The following GLIS3 variants were observed in gnomAD, a reference collection of about 807,000 sequenced individuals.
GLIS3 encodes the protein zinc finger protein GLIS3.
GLIS3 carries 53 observed loss-of-function variants against 78.6 expected under a neutral mutation model. That is an observed-to-expected ratio of 0.67 (90% CI 0.54 to 0.85). The LOEUF (loss-of-function observed/expected upper bound fraction) is 0.85. Among genes scored for constraint, GLIS3 ranks in the 40% least tolerant of loss-of-function variants. The pLI, the probability that GLIS3 is intolerant of heterozygous loss-of-function variation, is 0.00. For missense variants in GLIS3, 1,703 were observed against 1,231.1 expected, an observed-to-expected ratio of 1.38 and a Z score of -5.74; for synonymous variants, 684 against 509.9, an observed-to-expected ratio of 1.34 and a Z score of -4.60.
At chr9:4,441,721 C>T in the GLIS3 span, among the ~76,000 whole-genome samples, 1 of 152,150 alleles carries the variant, frequency 6.6e-6, no homozygotes, top group Non-Finnish European at 1.5e-5. Context: ...ATCCTTCCAC[C>T]TCAACCTCCA....
At chr9:4,132,005 T>C (rs1280928719) in intron 2 of GLIS3, among the ~76,000 whole-genome samples, 1 of 151,892 alleles carries the variant, frequency 6.6e-6, no homozygotes, top group Non-Finnish European at 1.5e-5. Context: ...TCTCTTCTCA[T>C]TTCCAATATT....
chr9:3,931,603 G>A (rs952247102), intron 6 of GLIS3, among the ~76,000 whole-genome samples: 7 of 152,150 alleles, frequency 4.6e-5, no homozygotes, highest in Admixed American at 1.3e-4. Flanking sequence ...TTAGTTACTA[G>A]GAAATGCCTT....
At chr9:4,102,490 G>C (rs1438329956) in intron 4 of GLIS3, among the ~76,000 whole-genome samples, 2 of 152,134 alleles carry the variant, frequency 1.3e-5, no homozygotes, top group African/African-American at 4.8e-5. Flanking sequence ...GAGACATACA[G>C]CAATGCCTGA....
intron 7 of GLIS3, chr9:3,898,475 A>C: frequency 9.9e-6 from 6 of 607,354 alleles, no homozygotes; most frequent in East Asian, 3.0e-5. Context: ...TAAAAGAGGT[A>C]ATGCATTATT....
rs919514445 is a variant in GLIS3, at chr9:4,118,286, G to C, written c.1192C>G (p.Leu398Val). 2 of 1,583,334 alleles carry C rather than the reference G, an allele frequency of 1.3e-6. No individual in the cohort carries two copies. The highest frequency in any genetic ancestry group is 1.3e-5 in the African/African-American group (1 of 74,568). The change falls in exon 4 of 11, where the codon CTG becomes GTG. Residue 398 changes from leucine (L) to valine (V), a missense_variant. Transcript: ENST00000381971. This position sits in a 1 kb window ranked among gnomAD's most constrained non-coding sequence, Gnocchi z 4.7. ...GALEHERMQQ[L>V]EHGGLQPGLV... ...CCTGGCTGCAGGCCGCCGTGCTCCA[G>C]CTGTTGCATGCGCTCGTGCTCCAGG...
intron 4 of GLIS3, among the ~76,000 whole-genome samples, chr9:3,991,740 G>C (rs565461766): frequency 7.3e-6 from 1 of 137,274 alleles, no homozygotes; most frequent in Non-Finnish European, 1.5e-5. Flanking sequence ...GCCCAGGCTG[G>C]AGTGCAGTGG....
chr9:4,362,417 T>C, the GLIS3 span, among the ~76,000 whole-genome samples: 2 of 152,206 alleles, frequency 1.3e-5, no homozygotes, highest in African/African-American at 4.8e-5. Flanking sequence ...ACAATTTTCA[T>C]CCCAAAATGA....
At chr9:4,439,698 A>G in the GLIS3 span, among the ~76,000 whole-genome samples, 1 of 152,192 alleles carries the variant, frequency 6.6e-6, no homozygotes, top group Non-Finnish European at 1.5e-5. Context: ...TTTGAGACAG[A>G]GTCTCACTCT....
intron 4 of GLIS3, among the ~76,000 whole-genome samples, chr9:4,011,629 C>A (rs1393747193): frequency 6.6e-6 from 1 of 152,148 alleles, no homozygotes; most frequent in Admixed American, 6.5e-5. Context: ...CTGCCCTGGA[C>A]CTTCCGTCTC....
At chr9:4,268,010 T>A (rs1412619544) in intron 2 of GLIS3, among the ~76,000 whole-genome samples, 1 of 152,052 alleles carries the variant, frequency 6.6e-6, no homozygotes, top group Admixed American at 6.6e-5. Context: ...TGTGAATATA[T>A]ACATAGATGT....
intron 4 of GLIS3, among the ~76,000 whole-genome samples, chr9:3,985,233 C>T (rs2129668389): frequency 6.6e-6 from 1 of 152,278 alleles, no homozygotes; most frequent in Middle Eastern, 3.4e-3. Context: ...ACCTCCATCT[C>T]CAAGTCTCAA....
the GLIS3 span, among the ~76,000 whole-genome samples, chr9:4,364,808 T>G: frequency 7.1e-6 from 1 of 140,974 alleles, no homozygotes; most frequent in Admixed American, 7.3e-5. Flanking sequence ...TATGTTGCCC[T>G]ATTGACCAGG....
At chr9:4,289,265 A>T (rs915134451) in intron 1 of GLIS3, among the ~76,000 whole-genome samples, 1 of 152,184 alleles carries the variant, frequency 6.6e-6, no homozygotes, top group African/African-American at 2.4e-5. Flanking sequence ...AACTCCAGGT[A>T]ATTTAGAAAA....
chr9:3,846,665 G>A (rs1341298710), intron 9 of GLIS3, among the ~76,000 whole-genome samples: 1 of 152,150 alleles, frequency 6.6e-6, no homozygotes, highest in African/African-American at 2.4e-5. Context: ...GTATCTATGG[G>A]CACTGTGAAT....
At chr9:4,057,547 T>A (rs1161499495) in intron 4 of GLIS3, among the ~76,000 whole-genome samples, 1 of 151,948 alleles carries the variant, frequency 6.6e-6, no homozygotes, top group Non-Finnish European at 1.5e-5. Context: ...GCATTTGAGG[T>A]CTGTTTCAGA....
At chr9:4,280,647 G>T (rs142360220) in intron 2 of GLIS3, among the ~76,000 whole-genome samples, 1 of 152,284 alleles carries the variant, frequency 6.6e-6, no homozygotes, top group African/African-American at 2.4e-5. Context: ...TAATTTAAAT[G>T]GGAATAGCTG....
chr9:4,427,359 T>C, the GLIS3 span, among the ~76,000 whole-genome samples: 1 of 152,040 alleles, frequency 6.6e-6, no homozygotes, highest in African/African-American at 2.4e-5. Context: ...AACTATTAGA[T>C]GCCAGACACT....
At chr9:4,263,973 TATC>T (rs1478788584) in intron 2 of GLIS3, among the ~76,000 whole-genome samples, 3 of 152,166 alleles carry the variant, frequency 2.0e-5, no homozygotes, top group Admixed American at 6.6e-5. Flanking sequence ...TGACATCAAA[TATC>T]ATCTCTATGC....
At chr9:4,448,779 T>C in the GLIS3 span, among the ~76,000 whole-genome samples, 5 of 152,242 alleles carry the variant, frequency 3.3e-5, no homozygotes, top group Non-Finnish European at 7.3e-5. Flanking sequence ...TGGAAGGCTA[T>C]GCTAAATTTT....
Sources: gnomAD v4.1 joint callset for allele counts (sites outside exome capture counted in the v4.1 genomes callset) on GRCh38, gnomAD v4.1.1 for gene constraint, Gnocchi (gnomAD v3.1) non-coding constraint, MANE v1.5 for transcripts, NCBI Gene and HGNC (gene_info 2026-07-23, HGNC 2026-07-21) for gene names.